The following SOX5 variants were observed in gnomAD, a reference collection of about 807,000 sequenced individuals.
SOX5 encodes the protein transcription factor SOX-5.
A neutral mutation model predicts 92.0 loss-of-function variants in SOX5; 9 were observed. The observed-to-expected ratio is 0.10, with a 90% CI of 0.06 to 0.17. SOX5 has a LOEUF of 0.17. SOX5 is among the 10% of genes least tolerant of loss of function. SOX5 has a pLI of 1.00. For synonymous variants in SOX5, 344 were observed against 336.3 expected (o/e 1.02, Z -0.25); for missense variants, 642 against 944.5 (o/e 0.68, Z 4.20).
chr12:23,706,081 A>G (rs1382826), intron 6 of SOX5, among the ~76,000 whole-genome samples: 77,469 of 151,786 alleles, frequency 0.51, 20,817 homozygotes, highest in East Asian at 0.8. Context: ...AACTTGGAAT[A>G]GCACTGATAT....
intron 1 of SOX5, among the ~76,000 whole-genome samples, chr12:23,945,207 A>T (rs965194808): frequency 2.0e-5 from 3 of 152,182 alleles, no homozygotes; most frequent in Non-Finnish European, 2.9e-5. Context: ...GTGGAGGACT[A>T]ATGTGCTAAA....
At chr12:24,179,405 C>A (rs1955211710) in intron 4 of SOX5, among the ~76,000 whole-genome samples, 1 of 152,166 alleles carries the variant, frequency 6.6e-6, no homozygotes, top group African/African-American at 2.4e-5. Context: ...GAATTCTGAT[C>A]TTTTCCCAGG....
At position 24,506,784 on chromosome 12, in the gene SOX5, CTTTT is replaced by C. The variant is rs386375924; in HGVS notation, c.-251+55541_-251+55544del. Among the ~76,000 whole-genome samples the C allele has an allele frequency of 9.4e-3, 770 of 81,768 alleles. 6 individuals carry two copies. Among genetic ancestry groups the C allele is most frequent in the African/African-American group, 0.024 (507 of 20,760 alleles). 53.6% of individuals were successfully genotyped at this position (81,768 alleles called of 152,430 possible). On this transcript the variant is annotated intron_variant, in intron 1 of 4. Coordinates refer to the SOX5 transcript ENST00000446891. ...CTGTATTTCATGGTATCCAAATGGT[CTTTT>C]TTTTTTTTTTTTTTTTTTGGAGACG...
At chr12:24,467,192 T>C (rs1944323125) in intron 1 of SOX5, among the ~76,000 whole-genome samples, 2 of 152,208 alleles carry the variant, frequency 1.3e-5, no homozygotes, top group African/African-American at 4.8e-5. Context: ...ATCAGATACT[T>C]CCATTCATTT....
chr12:23,838,164 T>C (rs182929529), intron 3 of SOX5, among the ~76,000 whole-genome samples: 2,210 of 143,254 alleles, frequency 0.015, 66 homozygotes, highest in African/African-American at 0.054. Flanking sequence ...TTATATAATA[T>C]ATATTTATAT....
At position 24,517,250 on chromosome 12, in the gene SOX5, T is replaced by C. The variant is rs183684023; in HGVS notation, c.-251+45079A>G. Among the ~76,000 whole-genome samples the C allele has an allele frequency of 1.6e-3, 244 of 152,322 alleles. 1 individual carries two copies. The highest frequency in any genetic ancestry group is 3.4e-3 in the Middle Eastern group (1 of 294). On this transcript the variant is annotated intron_variant, in intron 1 of 4. Transcript: ENST00000446891. ...ACATTGTGAATAGTAAATTAACAAA[T>C]TCTGAATAGCTTGTAAAAAGGAAAT...
In SOX5 at chr12:23,575,774, G is replaced by A. The variant is rs766471138; in HGVS notation, c.1229C>T (p.Thr410Ile). ...KPKTSDGKSP[T>I]SPTSPHMPAL... ...TGGCATATGGGGAGAGGTGGGTGAT[G>A]TGGGTGATTTGCCATCAGAGGTCTT... Residue 410 changes from threonine (T) to isoleucine (I), a missense_variant, in exon 10 of 15, where the codon ACA becomes ATA. Around this residue, in one of 8 missense-constraint regions of SOX5, gnomAD observed 324 missense variants for 461.6 expected, o/e 0.70. Transcript: ENST00000451604. 1 of 1,611,692 alleles carries A rather than the reference G, an allele frequency of 6.2e-7. No individual in the cohort carries two copies. Among genetic ancestry groups the A allele is most frequent in the East Asian group, 2.2e-5 (1 of 44,804 alleles).
At chr12:24,339,140 T>TTCTCTC (rs56093303) in intron 2 of SOX5, among the ~76,000 whole-genome samples, 1 of 125,962 alleles carries the variant, frequency 7.9e-6, no homozygotes, top group Non-Finnish European at 1.7e-5. Flanking sequence ...CTGTCTCTGT[T>TTCTCTC]TCTCTCTCTC....
At chr12:23,919,847 A>C (rs968960383) in intron 1 of SOX5, among the ~76,000 whole-genome samples, 2 of 152,198 alleles carry the variant, frequency 1.3e-5, no homozygotes, top group Non-Finnish European at 2.9e-5. Flanking sequence ...AATAACCCTA[A>C]AAATGGCATA....
chr12:24,138,696 A>G (rs918471084), intron 4 of SOX5, among the ~76,000 whole-genome samples: 2 of 152,204 alleles, frequency 1.3e-5, no homozygotes, highest in African/African-American at 4.8e-5. Context: ...CTAAAATGCT[A>G]CTTTTACAAA....
intron 2 of SOX5, among the ~76,000 whole-genome samples, chr12:23,871,585 G>A (rs969129374): frequency 1.3e-5 from 2 of 151,998 alleles, no homozygotes; most frequent in Non-Finnish European, 2.9e-5. Context: ...ATTACTACCA[G>A]GGTTACATCA....
intron 1 of SOX5, among the ~76,000 whole-genome samples, chr12:24,440,559 TGAGTGGTTGTGTGGCATCCC>T (rs1200542446): frequency 2.0e-5 from 3 of 151,956 alleles, no homozygotes; most frequent in Non-Finnish European, 4.4e-5. Flanking sequence ...CCATGCTCCC[TGAGTGGTTGTGTGGCATCCC>T]ATTCACATGA....
intron 1 of SOX5, among the ~76,000 whole-genome samples, chr12:23,906,731 T>C (rs1047065985): frequency 6.6e-6 from 1 of 152,178 alleles, no homozygotes; most frequent in African/African-American, 2.4e-5. Context: ...TATGAAGTAC[T>C]AAAAAGCAAA....
chr12:23,690,512 C>A (rs1254475060), intron 6 of SOX5, among the ~76,000 whole-genome samples: 1 of 152,226 alleles, frequency 6.6e-6, no homozygotes, highest in Non-Finnish European at 1.5e-5. Context: ...TTCATGCCTA[C>A]TTATTTCCAA....
At chr12:24,184,026 T>C (rs71450422) in intron 4 of SOX5, among the ~76,000 whole-genome samples, 5,715 of 152,268 alleles carry the variant, frequency 0.038, 118 homozygotes, top group South Asian at 0.067. Context: ...GCTATCTGTA[T>C]TTCTTTTGTT....
At chr12:24,543,334 G>C (rs1952317379) in intron 1 of SOX5, among the ~76,000 whole-genome samples, 1 of 152,220 alleles carries the variant, frequency 6.6e-6, no homozygotes, top group Admixed American at 6.5e-5. Flanking sequence ...AGGTTTAAAT[G>C]AATGAATAAG....
At chr12:24,487,951 A>G (rs1946685475) in intron 1 of SOX5, among the ~76,000 whole-genome samples, 1 of 152,232 alleles carries the variant, frequency 6.6e-6, no homozygotes, top group South Asian at 2.1e-4. Flanking sequence ...ATAAGGGTAG[A>G]GTTCTCATCT....
chr12:23,567,899 T>C (rs942512390), intron 10 of SOX5, among the ~76,000 whole-genome samples: 1 of 152,140 alleles, frequency 6.6e-6, no homozygotes, highest in Non-Finnish European at 1.5e-5. Context: ...AAAGTCTAAT[T>C]TTGGAGGAGA....
chr12:24,126,735 G>A (rs1051911729), intron 4 of SOX5, among the ~76,000 whole-genome samples: 30 of 152,134 alleles, frequency 2.0e-4, no homozygotes, highest in African/African-American at 7.0e-4. Context: ...CTTCACAATC[G>A]AGCTGCAGGT....
Sources: allele counts gnomAD v4.1 joint callset (sites outside exome capture counted in the v4.1 genomes callset), GRCh38; gene constraint gnomAD v4.1.1; regional missense constraint gnomAD v4.1.1; transcripts MANE v1.5; gene names NCBI Gene and HGNC (gene_info 2026-07-23, HGNC 2026-07-21).